Variants in SLC16A10 observed in about 807,000 individuals in gnomAD.
The protein encoded by SLC16A10 is monocarboxylate transporter 10.
A neutral mutation model predicts 40.0 loss-of-function variants in SLC16A10; 27 were observed. The observed-to-expected ratio is 0.67, with a 90% CI of 0.50 to 0.93. The LOEUF (loss-of-function observed/expected upper bound fraction) is 0.93. Among genes scored for constraint, SLC16A10 ranks in the 40% least tolerant of loss-of-function variants. The pLI is 0.00. For synonymous variants in SLC16A10, 213 were observed against 249.8 expected (o/e 0.85, Z 1.39); for missense variants, 529 against 658.2 (o/e 0.80, Z 2.15).
intron 1 of SLC16A10, among the ~76,000 whole-genome samples, chr6:111,088,626 A>T (rs1447609984): frequency 6.6e-6 from 1 of 152,098 alleles, no homozygotes; most frequent in Non-Finnish European, 1.5e-5. Context: ...GCCCTGCAAG[A>T]GTCACGGTTC....
intron 1 of SLC16A10, among the ~76,000 whole-genome samples, chr6:111,124,882 T>C (rs1771648028): frequency 6.6e-6 from 1 of 152,202 alleles, no homozygotes; most frequent in African/African-American, 2.4e-5. Context: ...TTTTCATCTA[T>C]TGATAACTGT....
chr6:111,179,817 G>A (rs1221969946), intron 3 of SLC16A10, among the ~76,000 whole-genome samples: 2 of 152,142 alleles, frequency 1.3e-5, no homozygotes, highest in South Asian at 2.1e-4. Context: ...GCCCGTTATC[G>A]CACCGAATGC....
chr6:111,145,337 G>T (rs79895264), intron 1 of SLC16A10, among the ~76,000 whole-genome samples: 1 of 152,132 alleles, frequency 6.6e-6, no homozygotes, highest in East Asian at 1.9e-4. Context: ...GCACGTTGAG[G>T]CTGCAATAAG....
intron 1 of SLC16A10, among the ~76,000 whole-genome samples, chr6:111,117,709 T>C (rs796524381): frequency 6.3e-4 from 96 of 152,312 alleles, no homozygotes; most frequent in African/African-American, 2.2e-3. Flanking sequence ...GCTGCCATCT[T>C]GCCACCGTAG....
intron 1 of SLC16A10, among the ~76,000 whole-genome samples, chr6:111,101,837 T>C (rs912516671): frequency 6.6e-6 from 1 of 152,188 alleles, no homozygotes; most frequent in Non-Finnish European, 1.5e-5. Context: ...GCCAGGCTGG[T>C]CTCAAACTCC....
chr6:111,176,930 G>A (rs1275934907), intron 2 of SLC16A10, among the ~76,000 whole-genome samples: 1 of 152,094 alleles, frequency 6.6e-6, no homozygotes, highest in Admixed American at 6.5e-5. Context: ...TGCTGTGTGC[G>A]TCACCTGAAA....
intron 1 of SLC16A10, among the ~76,000 whole-genome samples, chr6:111,105,790 A>G (rs1771275171): frequency 1.3e-5 from 2 of 152,194 alleles, no homozygotes; most frequent in African/African-American, 4.8e-5. Flanking sequence ...CTCAGGACTC[A>G]GGTCCTGAAT....
At chr6:111,089,406 C>T (rs1361718795) in intron 1 of SLC16A10, among the ~76,000 whole-genome samples, 2 of 152,170 alleles carry the variant, frequency 1.3e-5, no homozygotes, top group Non-Finnish European at 2.9e-5. Flanking sequence ...ATATTATACT[C>T]TATGCATTCT....
intron 1 of SLC16A10, among the ~76,000 whole-genome samples, chr6:111,103,831 T>G (rs1260527746): frequency 6.6e-6 from 1 of 152,018 alleles, no homozygotes; most frequent in Non-Finnish European, 1.5e-5. Context: ...TGGGCAAGGG[T>G]TGGGAGGCAG....
chr6:111,121,315 A>C (rs1231147114), intron 1 of SLC16A10, among the ~76,000 whole-genome samples: 2 of 152,230 alleles, frequency 1.3e-5, no homozygotes, highest in South Asian at 2.1e-4. Context: ...TAATCCCGGC[A>C]CTTTGGGGGG....
chr6:111,149,731 G>A (rs1432646157), intron 1 of SLC16A10, among the ~76,000 whole-genome samples: 1 of 152,098 alleles, frequency 6.6e-6, no homozygotes, highest in Non-Finnish European at 1.5e-5. Context: ...TGCTTATATG[G>A]TTGTATTTTG....
chr6:111,097,900 T>A (rs965986146), intron 1 of SLC16A10, among the ~76,000 whole-genome samples: 1 of 152,178 alleles, frequency 6.6e-6, no homozygotes, highest in African/African-American at 2.4e-5. Context: ...TAAAAGTCCA[T>A]TGCACCTACG....
intron 1 of SLC16A10, among the ~76,000 whole-genome samples, chr6:111,154,764 G>A (rs1214627076): frequency 2.0e-5 from 3 of 152,014 alleles, no homozygotes; most frequent in Admixed American, 6.6e-5. Flanking sequence ...AAGCTGAGGC[G>A]GGCAGATCAC....
intron 1 of SLC16A10, among the ~76,000 whole-genome samples, chr6:111,102,788 C>T (rs553337074): frequency 9.2e-5 from 14 of 152,308 alleles, no homozygotes; most frequent in Admixed American, 3.3e-4. Context: ...GTAGCCATAT[C>T]TTAATCTCTT....
At chr6:111,176,352 T>C (rs1347424448) in intron 2 of SLC16A10, among the ~76,000 whole-genome samples, 3 of 152,232 alleles carry the variant, frequency 2.0e-5, no homozygotes, top group Non-Finnish European at 2.9e-5. Flanking sequence ...TTACTACTGA[T>C]AGCCTTTTCA....
intron 1 of SLC16A10, among the ~76,000 whole-genome samples, chr6:111,136,999 A>G (rs1351919049): frequency 6.6e-6 from 1 of 152,248 alleles, no homozygotes; most frequent in Non-Finnish European, 1.5e-5. Context: ...TTAAGAAACT[A>G]TTATTGGCTG....
chr6:111,138,269 G>C (rs1220176678), intron 1 of SLC16A10, among the ~76,000 whole-genome samples: 6 of 152,234 alleles, frequency 3.9e-5, no homozygotes, highest in African/African-American at 1.4e-4. Context: ...TGGGTAGTTA[G>C]GATGGCAGGC....
chr6:111,092,643 C>G (rs2114425703), intron 1 of SLC16A10, among the ~76,000 whole-genome samples: 1 of 151,724 alleles, frequency 6.6e-6, no homozygotes, highest in East Asian at 1.9e-4. Flanking sequence ...GAATTTTTAC[C>G]TGTTCACATG....
chr6:111,109,311 T>C (rs1347767150), intron 1 of SLC16A10, among the ~76,000 whole-genome samples: 1 of 152,200 alleles, frequency 6.6e-6, no homozygotes, highest in Non-Finnish European at 1.5e-5. Context: ...AAATTTTATA[T>C]GAATGGAATC....
Sources: gnomAD v4.1 joint callset for allele counts (sites outside exome capture counted in the v4.1 genomes callset) on GRCh38, gnomAD v4.1.1 for gene constraint, MANE v1.5 for transcripts, NCBI Gene and HGNC (gene_info 2026-07-23, HGNC 2026-07-21) for gene names.